Variants in CHN2 observed in about 807,000 individuals in gnomAD.
CHN2 encodes the protein beta-chimaerin.
Under a neutral mutation model 56.3 loss-of-function variants are expected in CHN2, and 35 were observed. That is an observed-to-expected ratio of 0.62 (90% CI 0.47 to 0.82). CHN2 has a LOEUF of 0.82. Ranked by LOEUF, CHN2 falls within the 40% of genes least tolerant of loss-of-function variation. The pLI is 0.00. For missense variants in CHN2, 491 were observed against 580.5 expected (o/e 0.85, Z 1.58); for synonymous variants, 210 against 212.8 (o/e 0.99, Z 0.12).
chr7:29,215,014 A>T (rs915319951), intron 1 of CHN2, among the ~76,000 whole-genome samples: 2 of 152,170 alleles, frequency 1.3e-5, no homozygotes, highest in Non-Finnish European at 2.9e-5. Flanking sequence ...ACTAGCAGAG[A>T]CACTGCCACA....
intron 1 of CHN2, among the ~76,000 whole-genome samples, chr7:29,237,243 C>A (rs1029538966): frequency 1.3e-5 from 2 of 152,306 alleles, no homozygotes; most frequent in Admixed American, 6.5e-5. Context: ...TTAGCAGTGT[C>A]TTATCTCACA....
chr7:29,260,853 C>CT (rs1562872529), intron 1 of CHN2, among the ~76,000 whole-genome samples: 1 of 152,190 alleles, frequency 6.6e-6, no homozygotes, highest in African/African-American at 2.4e-5. Context: ...GCCCTCATCA[C>CT]GTTTCATCTC....
chr7:29,270,965 T>C (rs189090225), intron 1 of CHN2, among the ~76,000 whole-genome samples: 38 of 152,326 alleles, frequency 2.5e-4, no homozygotes, highest in African/African-American at 8.7e-4. Flanking sequence ...AATTAATTAA[T>C]GGGCTTTTGA....
At chr7:29,294,683 C>G (rs1305587904) in intron 1 of CHN2, among the ~76,000 whole-genome samples, 1 of 152,182 alleles carries the variant, frequency 6.6e-6, no homozygotes, top group East Asian at 1.9e-4. Context: ...GTCTTTGAGG[C>G]CTACTGTACA....
intron 2 of CHN2, among the ~76,000 whole-genome samples, chr7:29,171,434 T>C (rs551156144): frequency 3.9e-5 from 6 of 152,286 alleles, no homozygotes; most frequent in African/African-American, 1.4e-4. Context: ...CTGAACTTGT[T>C]AGAAGGAGCG....
At chr7:29,217,383 G>A (rs533381329) in intron 1 of CHN2, among the ~76,000 whole-genome samples, 16 of 152,262 alleles carry the variant, frequency 1.1e-4, no homozygotes, top group Non-Finnish European at 1.8e-4. Context: ...CTACTCAAGG[G>A]CTCTTTATCA....
chr7:29,489,045 A>G (rs1181881259), intron 7 of CHN2, among the ~76,000 whole-genome samples: 1 of 152,232 alleles, frequency 6.6e-6, no homozygotes, highest in African/African-American at 2.4e-5. Context: ...TAAAACCACC[A>G]GAGAATACTG....
chr7:29,380,531 A>C (rs980607620), intron 3 of CHN2, among the ~76,000 whole-genome samples: 1 of 152,162 alleles, frequency 6.6e-6, no homozygotes, highest in Non-Finnish European at 1.5e-5. Flanking sequence ...CATCACTTTG[A>C]ATACTTAATA....
intron 4 of CHN2, chr7:29,397,361 C>T (rs1333340005): frequency 6.6e-6 from 1 of 152,212 alleles, no homozygotes; most frequent in East Asian, 1.9e-4. Context: ...AGCTTACTTC[C>T]CTTTCCTCCT....
intron 1 of CHN2, among the ~76,000 whole-genome samples, chr7:29,196,460 TAC>T (rs1183552018): frequency 6.6e-6 from 1 of 152,270 alleles, no homozygotes; most frequent in Non-Finnish European, 1.5e-5. Context: ...CAGCAAATGC[TAC>T]AGTTTATTTT....
intron 6 of CHN2, among the ~76,000 whole-genome samples, chr7:29,413,315 A>G (rs1431928144): frequency 6.6e-6 from 1 of 152,252 alleles, no homozygotes; most frequent in Non-Finnish European, 1.5e-5. Context: ...TTTGCAAGAG[A>G]CACTTTAATA....
At chr7:29,251,026 C>CAATTTAGT (rs1788470875) in intron 1 of CHN2, among the ~76,000 whole-genome samples, 2 of 152,284 alleles carry the variant, frequency 1.3e-5, no homozygotes, top group South Asian at 2.1e-4. Flanking sequence ...AACTTCTTTA[C>CAATTTAGT]AATTTAGTAA....
intron 1 of CHN2, among the ~76,000 whole-genome samples, chr7:29,248,516 C>T (rs529031677): frequency 1.3e-5 from 2 of 152,334 alleles, no homozygotes; most frequent in Admixed American, 6.5e-5. Context: ...CCTGGAGTCT[C>T]CTCATCAGGT....
intron 12 of CHN2, among the ~76,000 whole-genome samples, chr7:29,511,000 A>G (rs1231188753): frequency 3.3e-5 from 5 of 152,156 alleles, no homozygotes; most frequent in Non-Finnish European, 7.3e-5. Flanking sequence ...AATTGGTGTT[A>G]TAACATTGGA....
At chr7:29,235,031 A>G (rs1787078937) in intron 1 of CHN2, among the ~76,000 whole-genome samples, 1 of 152,188 alleles carries the variant, frequency 6.6e-6, no homozygotes, top group African/African-American at 2.4e-5. Flanking sequence ...CAGGCATGGT[A>G]TTAGGGATGA....
intron 3 of CHN2, among the ~76,000 whole-genome samples, chr7:29,392,259 A>T (rs571785922): frequency 1.3e-5 from 2 of 152,326 alleles, no homozygotes; most frequent in East Asian, 3.9e-4. Context: ...ACTAAAAAAG[A>T]ACTTTGAAAG....
chr7:29,206,293 T>C (rs566306620), intron 1 of CHN2, among the ~76,000 whole-genome samples: 4 of 152,106 alleles, frequency 2.6e-5, no homozygotes, highest in African/African-American at 9.7e-5. Flanking sequence ...AAAAAATTTT[T>C]TTCCCCCAAG....
chr7:29,430,108 C>T lies in CHN2; in HGVS notation c.576+29280C>T, dbSNP rs1423258609. ...ATATTTTCTTAGAGTTTAAAGGTAG[C>T]AAATCTTTGTTGAGTAACAGAGTCC... is the stretch of plus-strand genomic sequence containing the variant. On this transcript the variant is annotated intron_variant, in intron 6 of 12. Transcript: ENST00000222792. Among the ~76,000 whole-genome samples, 3 of 152,286 alleles carry T rather than the reference C, an allele frequency of 2.0e-5. No homozygotes were observed. In the East Asian group the frequency reaches 5.8e-4, roughly 29 times the overall value.
At chr7:29,425,652 CT>C (rs1804790892) in intron 6 of CHN2, among the ~76,000 whole-genome samples, 2 of 152,026 alleles carry the variant, frequency 1.3e-5, no homozygotes, top group South Asian at 2.1e-4. Flanking sequence ...GACTTTTCCC[CT>C]GGTTTAATCT....
Sources: allele counts gnomAD v4.1 joint callset (sites outside exome capture counted in the v4.1 genomes callset), GRCh38; gene constraint gnomAD v4.1.1; transcripts MANE v1.5; gene names NCBI Gene and HGNC (gene_info 2026-07-23, HGNC 2026-07-21).